The following GRIP1 variants were observed in gnomAD, a reference collection of about 807,000 sequenced individuals.
The protein encoded by GRIP1 is glutamate receptor interacting protein 1.
Under a neutral mutation model 129.9 loss-of-function variants are expected in GRIP1, and 45 were observed. That is an observed-to-expected ratio of 0.35 (90% CI 0.27 to 0.44). The LOEUF (loss-of-function observed/expected upper bound fraction) is 0.44. Ranked by LOEUF, GRIP1 falls within the 20% of genes least tolerant of loss-of-function variation. The pLI, the probability that GRIP1 is intolerant of heterozygous loss-of-function variation, is 1.00. For missense variants in GRIP1, 1,196 were observed against 1,396.8 expected, an observed-to-expected ratio of 0.86 and a Z score of 2.29; for synonymous variants, 530 against 520.8, an observed-to-expected ratio of 1.02 and a Z score of -0.24.
intron 1 of GRIP1, among the ~76,000 whole-genome samples, chr12:66,597,137 A>C (rs866329378): frequency 6.6e-6 from 1 of 152,174 alleles, no homozygotes; most frequent in Non-Finnish European, 1.5e-5. Flanking sequence ...AGAGAGATAA[A>C]ATTCTCATCT....
In GRIP1 at chr12:66,348,767, C is replaced by A. The variant is rs923276999; in HGVS notation, c.*252G>T. The A allele has an allele frequency of 2.0e-6, 1 of 508,132 alleles. No homozygotes were observed. The highest frequency in any genetic ancestry group is 3.5e-6 in the Non-Finnish European group (1 of 283,190). The allele number at this position is 508,132 out of a possible 1,614,324, so 31.5% of individuals were successfully genotyped here. ...ATGTTAATTGTAGAGTTGTGGGGGA[C>A]GGCCTATTTTTCTCTACCGTTGGGA... On this transcript the variant is annotated 3_prime_UTR_variant, in exon 25 of 25. Transcript: ENST00000359742.
At chr12:66,597,192 A>G (rs1337425237) in intron 1 of GRIP1, among the ~76,000 whole-genome samples, 1 of 152,248 alleles carries the variant, frequency 6.6e-6, no homozygotes, top group Non-Finnish European at 1.5e-5. Flanking sequence ...GCTCGTGAAG[A>G]TATTTATGAA....
At chr12:66,668,991 C>T (rs544332845) in intron 1 of GRIP1, among the ~76,000 whole-genome samples, 2 of 152,170 alleles carry the variant, frequency 1.3e-5, no homozygotes, top group South Asian at 2.1e-4. Context: ...TCAGAATATT[C>T]CTGGAGCTTT....
intron 7 of GRIP1, among the ~76,000 whole-genome samples, chr12:66,512,665 T>C (rs1168664619): frequency 6.6e-6 from 1 of 150,432 alleles, no homozygotes; most frequent in African/African-American, 2.5e-5. Flanking sequence ...ATAAAGGACA[T>C]AAATGACAAC....
chr12:66,970,963 C>T lies in GRIP1; in HGVS notation c.58+98087G>A, dbSNP rs371771483. Among the ~76,000 whole-genome samples the T allele has an allele frequency of 5.1e-4, 77 of 152,208 alleles. 1 individual carries two copies. Among genetic ancestry groups the T allele is most frequent in the African/African-American group, 1.7e-3 (70 of 41,524 alleles). On this transcript the variant is annotated intron_variant, in intron 1 of 1. Coordinates refer to the GRIP1 transcript ENST00000643019. ...GTCATTACTTTCCCCTTCCCTTTGC[C>T]AGAGCCAGGACAGGGTCTATCTTGG...
At chr12:66,787,995 C>A (rs2038408359) in intron 1 of GRIP1, among the ~76,000 whole-genome samples, 1 of 152,054 alleles carries the variant, frequency 6.6e-6, no homozygotes, top group African/African-American at 2.4e-5. Flanking sequence ...ATTTTGGCTT[C>A]TGTCACTTTC....
chr12:66,505,490 C>CA (rs1451723231), intron 7 of GRIP1, among the ~76,000 whole-genome samples: 1 of 152,126 alleles, frequency 6.6e-6, no homozygotes, highest in Non-Finnish European at 1.5e-5. Context: ...AGATCCTAAG[C>CA]AAAAAACTCA....
chr12:66,587,932 C>T (rs564803382), intron 2 of GRIP1, among the ~76,000 whole-genome samples: 1 of 151,890 alleles, frequency 6.6e-6, no homozygotes, highest in Admixed American at 6.6e-5. Context: ...TAATGTGTAG[C>T]CCAGTAATAG....
intron 1 of GRIP1, among the ~76,000 whole-genome samples, chr12:66,814,728 C>T (rs182237691): frequency 9.9e-5 from 15 of 151,922 alleles, no homozygotes; most frequent in African/African-American, 2.2e-4. Context: ...AAGAAATACC[C>T]GAGACTATAG....
chr12:66,622,607 C>T (rs1449543071), intron 1 of GRIP1, among the ~76,000 whole-genome samples: 1 of 152,082 alleles, frequency 6.6e-6, no homozygotes, highest in Non-Finnish European at 1.5e-5. Flanking sequence ...AGCAAGCATG[C>T]CAGGCAACTG....
chr12:66,378,622 C>G (rs1221943686), intron 20 of GRIP1, among the ~76,000 whole-genome samples: 1 of 151,648 alleles, frequency 6.6e-6, no homozygotes, highest in African/African-American at 2.4e-5. Flanking sequence ...TGGTGCATGC[C>G]TGTAATCCCA....
rs1362139510 is a variant in GRIP1 at position 66,678,931 on chromosome 12, G to C, written c.-27C>G. On this transcript the variant is annotated 5_prime_UTR_variant, in exon 1 of 25. Transcript: ENST00000359742. ...CTTGCTCACTGCTTTCTGTGGCAAAGTGTACTCAAGGCTCTCTGCTCTGGT... is the reference window on the plus strand; with the variant it reads ...CTTGCTCACTGCTTTCTGTGGCAAACTGTACTCAAGGCTCTCTGCTCTGGT... The C allele has an allele frequency of 1.2e-6, 2 of 1,613,084 alleles. No homozygotes were observed. Among genetic ancestry groups the C allele is most frequent in the Non-Finnish European group, 8.5e-7 (1 of 1,179,374 alleles).
At chr12:66,655,459 T>G (rs1321661104) in intron 1 of GRIP1, among the ~76,000 whole-genome samples, 2 of 152,132 alleles carry the variant, frequency 1.3e-5, no homozygotes, top group African/African-American at 2.4e-5. Context: ...TTGTTACAGC[T>G]GTATCTACAT....
At chr12:66,585,135 G>T (rs1443244826) in intron 2 of GRIP1, among the ~76,000 whole-genome samples, 2 of 147,790 alleles carry the variant, frequency 1.4e-5, no homozygotes, top group African/African-American at 5.0e-5. Flanking sequence ...AAGTTTTAGG[G>T]TACATGTGCA....
At chr12:66,972,757 T>C (rs1394263) in intron 1 of GRIP1, among the ~76,000 whole-genome samples, 23,358 of 152,178 alleles carry the variant, frequency 0.15, 1,900 homozygotes, top group Admixed American at 0.18. Context: ...CAGCCCCATG[T>C]TCTTACTAAT....
At chr12:66,410,642 A>AAAAC (rs377000515) in intron 15 of GRIP1, among the ~76,000 whole-genome samples, 3,313 of 115,994 alleles carry the variant, frequency 0.029, 123 homozygotes, top group African/African-American at 0.073. Flanking sequence ...ACTCTGTCTC[A>AAAAC]AAACAAACAA....
At chr12:66,607,341 C>T (rs1194753786) in intron 1 of GRIP1, among the ~76,000 whole-genome samples, 2 of 152,256 alleles carry the variant, frequency 1.3e-5, no homozygotes, top group African/African-American at 2.4e-5. Context: ...TGAAATCTGG[C>T]TGAATTTATT....
rs150674369 is a variant in GRIP1 at position 67,010,281 on chromosome 12, G to A, written c.58+58769C>T. On this transcript the variant is annotated intron_variant, in intron 1 of 1. Coordinates refer to the GRIP1 transcript ENST00000643019. ...CCTCTGTTTCTGTGTTCAAACAATTGACTGCACAAGTGTAAGATCTGACCT... is the reference window on the plus strand; with the variant it reads ...CCTCTGTTTCTGTGTTCAAACAATTAACTGCACAAGTGTAAGATCTGACCT... 7.8e-3 allele frequency among the ~76,000 whole-genome samples: 1,193 copies of A among 152,258 alleles called. 17 individuals are homozygous for A. The highest frequency in any genetic ancestry group is 0.027 in the African/African-American group (1,106 of 41,560).
At chr12:66,442,448 G>C (rs999823709) in intron 13 of GRIP1, among the ~76,000 whole-genome samples, 1 of 152,088 alleles carries the variant, frequency 6.6e-6, no homozygotes, top group Non-Finnish European at 1.5e-5. Context: ...TACAAAACTA[G>C]CTCCCCTAAA....
Sources: gnomAD v4.1 joint callset for allele counts (sites outside exome capture counted in the v4.1 genomes callset) on GRCh38, gnomAD v4.1.1 for gene constraint, MANE v1.5 for transcripts, NCBI Gene and HGNC (gene_info 2026-07-23, HGNC 2026-07-21) for gene names.